Variants in DBF4 observed in about 807,000 individuals in gnomAD.
DBF4 encodes the protein protein DBF4 homolog A.
A neutral mutation model predicts 76.6 loss-of-function variants in DBF4; 25 were observed. The observed-to-expected ratio is 0.33, with a 90% CI of 0.24 to 0.46. DBF4 has a LOEUF of 0.46. Among genes scored for constraint, DBF4 ranks in the 20% least tolerant of loss-of-function variants. DBF4 has a pLI of 1.00. For synonymous variants in DBF4, 213 were observed against 258.0 expected (o/e 0.83, Z 1.67); for missense variants, 638 against 760.8 (o/e 0.84, Z 1.90).
chr7:87,900,770 A>G lies in DBF4; in HGVS notation c.816A>G (p.Gln272=), dbSNP rs1224314243. Residue 272 remains glutamine, a synonymous_variant, in exon 10 of 12, where the codon CAA becomes CAG. Coordinates refer to ENST00000265728, the MANE Select transcript of DBF4 (RefSeq NM_006716.4). Reference sequence around the variant, plus strand: ...CATGTATGTCTGTCATCAGAATCCAAACAGATGGCGATAAGTATGGTGGAA... The same window carrying G: ...CATGTATGTCTGTCATCAGAATCCAGACAGATGGCGATAAGTATGGTGGAA... ...QKQTQVKLRI[Q]TDGDKYGGTS... 1 of 1,611,688 alleles carries G rather than the reference A, an allele frequency of 6.2e-7. No homozygotes were observed. Among genetic ancestry groups the G allele is most frequent in the African/African-American group, 1.3e-5 (1 of 74,794 alleles).
intron 10 of DBF4, among the ~76,000 whole-genome samples, chr7:87,904,044 C>A (rs1839858050): frequency 6.6e-6 from 1 of 152,180 alleles, no homozygotes; most frequent in South Asian, 2.1e-4. Flanking sequence ...TCCATTGTAA[C>A]TACAAATTAG....
chr7:87,877,446 T>C (rs1456343320), intron 1 of DBF4, among the ~76,000 whole-genome samples: 1 of 152,238 alleles, frequency 6.6e-6, no homozygotes, highest in Non-Finnish European at 1.5e-5. Flanking sequence ...AAAATTAATT[T>C]TTAAAGCAGT....
chr7:87,901,752 G>C (rs185550043), intron 10 of DBF4, among the ~76,000 whole-genome samples: 1 of 152,310 alleles, frequency 6.6e-6, no homozygotes, highest in African/African-American at 2.4e-5. Context: ...TGTGAGCTTG[G>C]ACAGTGTTTG....
Position 87,908,753 on chromosome 7 carries a change from AT to A in DBF4, c.*595del, listed in dbSNP as rs1185069028. The A allele has an allele frequency of 5.0e-5, 7 of 141,182 alleles. No homozygotes were observed. In the East Asian group the frequency reaches 1.0e-3, roughly 21 times the overall value. The allele number at this position is 141,182 out of a possible 1,614,324, so 8.7% of individuals were successfully genotyped here. ...CCAAGTGGAATATAATTTATCTGCT[AT>A]TTTTAATTACTTACCTTGTAAATAA... On this transcript the variant is annotated 3_prime_UTR_variant, in exon 12 of 12. Transcript: ENST00000265728.
At chr7:87,886,932 G>T in intron 4 of DBF4, 38 bp downstream of exon 4, 1 of 1,368,626 alleles carries the variant, frequency 7.3e-7, no homozygotes, top group Non-Finnish European at 1.0e-6. Flanking sequence ...TGTACATTTT[G>T]TTATTAAAAA....
At chr7:87,881,206 A>T (rs1392928676) in intron 2 of DBF4, among the ~76,000 whole-genome samples, 2 of 152,200 alleles carry the variant, frequency 1.3e-5, no homozygotes, top group Admixed American at 1.3e-4. Context: ...CAGGAGTTTG[A>T]GACCAGCCTG....
intron 7 of DBF4, 51 bp downstream of exon 7, chr7:87,896,561 T>TA (rs1260627286): frequency 2.0e-6 from 3 of 1,510,164 alleles, no homozygotes; most frequent in Middle Eastern, 1.9e-4. Flanking sequence ...TGAAAAATCA[T>TA]AAAAGATCTT....
chr7:87,886,706 A>G, intron 3 of DBF4, 138 bp from the exon 4 acceptor site: 4 of 607,574 alleles, frequency 6.6e-6, no homozygotes, highest in Non-Finnish European at 1.2e-5. Flanking sequence ...AGAATTTACT[A>G]CAAAACCAAA....
At chr7:87,882,529 G>A (rs1214006383) in intron 2 of DBF4, among the ~76,000 whole-genome samples, 2 of 152,120 alleles carry the variant, frequency 1.3e-5, no homozygotes, top group Non-Finnish European at 2.9e-5. Flanking sequence ...GTGAAAGAAC[G>A]CACAGAATTG....
chr7:87,885,259 A>G, intron 3 of DBF4, 101 bp downstream of exon 3: 2 of 1,021,906 alleles, frequency 2.0e-6, no homozygotes, highest in Non-Finnish European at 2.8e-6. Flanking sequence ...TATGTAGAAC[A>G]TTTGCAAAGC....
At chr7:87,893,405 C>G (rs1393215240) in intron 6 of DBF4, among the ~76,000 whole-genome samples, 2 of 151,678 alleles carry the variant, frequency 1.3e-5, no homozygotes, top group South Asian at 4.2e-4. Context: ...GCCACCGCGC[C>G]CGGCTAATTT....
At position 87,886,900 on chromosome 7, in the gene DBF4, T is replaced by A; in HGVS notation, c.450+6T>A. 1 of 1,513,866 alleles carries A rather than the reference T, an allele frequency of 6.6e-7. No homozygotes were observed. The highest frequency in any genetic ancestry group is 9.1e-7 in the Non-Finnish European group (1 of 1,100,988). 93.8% of individuals were successfully genotyped at this position (1,513,866 alleles called of 1,614,324 possible). A position where few individuals can be genotyped will look rare whatever the true frequency, so the allele number is the denominator to read the frequency against. ...AAAAAGCTATCAAGGACCATGTAAG[T>A]AGGAACTATAAAGATTCACATTGTA... On this transcript the variant is annotated splice_donor_region_variant and intron_variant, in intron 4 of 11. Coordinates refer to ENST00000265728, the MANE Select transcript of DBF4 (RefSeq NM_006716.4).
rs376221180 is a variant in DBF4, at chr7:87,907,723, C to T, written c.1585C>T (p.His529Tyr). 150 of 1,613,984 alleles carry T rather than the reference C, an allele frequency of 9.3e-5. No individual in the cohort carries two copies. Among genetic ancestry groups the T allele is most frequent in the Non-Finnish European group, 1.2e-4 (137 of 1,179,980 alleles). ...KEKDLHSIFT[H>Y]DSGLITINSS... Reference sequence around the variant, plus strand: ...AAAGGACCTTCATTCAATATTTACTCATGATTCTGGTCTGATAACAATAAA... The same window carrying T: ...AAAGGACCTTCATTCAATATTTACTTATGATTCTGGTCTGATAACAATAAA... The change falls in exon 12 of 12, where the codon CAT becomes TAT. Residue 529 changes from histidine (H) to tyrosine (Y), a missense_variant. Coordinates refer to ENST00000265728, the MANE Select transcript of DBF4 (RefSeq NM_006716.4).
At chr7:87,885,701 G>A (rs1207484288) in intron 3 of DBF4, among the ~76,000 whole-genome samples, 1 of 152,220 alleles carries the variant, frequency 6.6e-6, no homozygotes, top group Non-Finnish European at 1.5e-5. Context: ...ATCTGTAGTT[G>A]TTGTGTTTTA....
intron 2 of DBF4, chr7:87,878,547 T>TGG (rs1237977572): frequency 5.0e-6 from 1 of 198,604 alleles, no homozygotes; most frequent in Non-Finnish European, 1.0e-5. Context: ...TTATGAATCT[T>TGG]GGGGAGCTAC....
chr7:87,884,964 T>G lies in DBF4; in HGVS notation c.220-15T>G, dbSNP rs752495533. ...AAAACAAATTTATAAATAAAAATACTTTGTTCTCTTCTAGCGAGTTGAAGA... is the reference window on the plus strand; with the variant it reads ...AAAACAAATTTATAAATAAAAATACGTTGTTCTCTTCTAGCGAGTTGAAGA... On this transcript the variant is annotated splice_polypyrimidine_tract_variant and intron_variant, in intron 2 of 11. Coordinates refer to ENST00000265728, the MANE Select transcript of DBF4 (RefSeq NM_006716.4). The G allele has an allele frequency of 2.5e-6, 4 of 1,581,050 alleles. No individual in the cohort carries two copies. In the South Asian group the frequency reaches 4.5e-5, roughly 18 times the overall value.
chr7:87,891,693 T>A (rs76922301), intron 6 of DBF4, among the ~76,000 whole-genome samples: 1 of 152,280 alleles, frequency 6.6e-6, no homozygotes, highest in South Asian at 2.1e-4. Flanking sequence ...CTGGCTAGTT[T>A]TACCAGTTAT....
chr7:87,878,430 T>C, intron 2 of DBF4: 1 of 481,876 alleles, frequency 2.1e-6, no homozygotes, highest in Non-Finnish European at 3.6e-6. Context: ...TGATTAGCAG[T>C]CTAGTGTAAA....
intron 2 of DBF4, among the ~76,000 whole-genome samples, chr7:87,880,683 G>T (rs1010506007): frequency 6.6e-6 from 1 of 151,840 alleles, no homozygotes; most frequent in Admixed American, 6.6e-5. Context: ...CTATAATCTC[G>T]GTGAAAACAT....
Sources: gnomAD v4.1 joint callset for allele counts (sites outside exome capture counted in the v4.1 genomes callset) on GRCh38, gnomAD v4.1.1 for gene constraint, MANE v1.5 for transcripts, NCBI Gene and HGNC (gene_info 2026-07-23, HGNC 2026-07-21) for gene names.